The following ZNF326 variants were observed in gnomAD, a reference collection of about 807,000 sequenced individuals.
The protein encoded by ZNF326 is zinc finger protein 326.
In ZNF326, 30 loss-of-function variants were observed where a neutral mutation model predicts 63.1. The ratio of observed to expected loss-of-function variants is 0.48; its 90% CI spans 0.36 to 0.64. ZNF326 has a LOEUF of 0.64. ZNF326 is among the 30% of genes least tolerant of loss of function. The pLI is 0.00. For missense variants in ZNF326, 609 were observed against 720.3 expected, an observed-to-expected ratio of 0.85 and a Z score of 1.77; for synonymous variants, 194 against 228.2, an observed-to-expected ratio of 0.85 and a Z score of 1.35.
At position 90,028,494 on chromosome 1, in the gene ZNF326, C is replaced by T. The variant is rs952655267; in HGVS notation, c.*793C>T. The T allele has an allele frequency of 6.6e-6, 1 of 152,172 alleles. No homozygotes were observed. Among genetic ancestry groups the T allele is most frequent in the Non-Finnish European group, 1.5e-5 (1 of 68,028 alleles). The allele number at this position is 152,172 out of a possible 1,614,324, so 9.4% of individuals were successfully genotyped here. A position where few individuals can be genotyped will look rare whatever the true frequency, so the allele number is the denominator to read the frequency against. ...TTGTTCCTTTTCCCTGTGCCTGTGTCAAATCTTCAAGTCTTGCTGAAAATA... is the reference window on the plus strand; with the variant it reads ...TTGTTCCTTTTCCCTGTGCCTGTGTTAAATCTTCAAGTCTTGCTGAAAATA... On this transcript the variant is annotated 3_prime_UTR_variant, in exon 12 of 12. Coordinates refer to ENST00000340281, the MANE Select transcript of ZNF326 (RefSeq NM_182976.4).
intron 6 of ZNF326, among the ~76,000 whole-genome samples, chr1:90,010,661 A>G (rs1649193591): frequency 1.3e-5 from 2 of 152,090 alleles, no homozygotes; most frequent in African/African-American, 2.4e-5. Flanking sequence ...AAACCTCCAT[A>G]TGATTGTAAC....
intron 7 of ZNF326, among the ~76,000 whole-genome samples, chr1:90,013,880 G>A (rs918985398): frequency 1.2e-4 from 18 of 151,948 alleles, no homozygotes; most frequent in Admixed American, 3.9e-4. Context: ...TGGCTAACAC[G>A]GTGAAACCCC....
Position 90,029,509 on chromosome 1 carries a change from T to G in ZNF326, c.*1808T>G, listed in dbSNP as rs565868688. 1.2e-4 allele frequency: 19 copies of G among 152,210 alleles called. No homozygotes were observed. Among genetic ancestry groups the G allele is most frequent in the Non-Finnish European group, 2.8e-4 (19 of 68,028 alleles). The allele number at this position is 152,210 out of a possible 1,614,324, so 9.4% of individuals were successfully genotyped here. A position where few individuals can be genotyped will look rare whatever the true frequency, so the allele number is the denominator to read the frequency against. ...AGGATAATAGGACTTGTTACCCTCT[T>G]ATTTCTCCTTTATTTTTAAAAATAT... On this transcript the variant is annotated 3_prime_UTR_variant, in exon 12 of 12. Transcript: ENST00000340281.
chr1:89,997,453 AG>A (rs1182336666), intron 1 of ZNF326, among the ~76,000 whole-genome samples: 12 of 151,950 alleles, frequency 7.9e-5, no homozygotes, highest in Admixed American at 7.9e-4. Flanking sequence ...GGCTCACTGC[AG>A]CCTCTGCCTC....
intron 1 of ZNF326, among the ~76,000 whole-genome samples, chr1:89,997,859 C>T (rs1219660129): frequency 1.3e-5 from 2 of 152,120 alleles, no homozygotes; most frequent in Non-Finnish European, 2.9e-5. Flanking sequence ...TATTATGTAT[C>T]AGGTGTTGTA....
At chr1:89,999,315 A>G (rs1031033764) in intron 2 of ZNF326, among the ~76,000 whole-genome samples, 14 of 149,080 alleles carry the variant, frequency 9.4e-5, no homozygotes, top group African/African-American at 3.2e-4. Flanking sequence ...ACTGGAATGT[A>G]TGACTAGTGC....
rs776868797 is a variant in ZNF326 at position 90,005,062 on chromosome 1, C to G, written c.97+24C>G. The G allele has an allele frequency of 5.6e-6, 9 of 1,613,952 alleles. No individual in the cohort carries two copies. In the Admixed American group the frequency reaches 1.3e-4, roughly 24 times the overall value. On this transcript the variant is annotated intron_variant, in intron 3 of 11. Transcript: ENST00000340281. ...AGGTCTGACATTCAAGGATATTTAT[C>G]TAAAAATTCTTCTTTTGAGTGCCAG...
intron 2 of ZNF326, among the ~76,000 whole-genome samples, chr1:89,999,746 T>A (rs1388518241): frequency 6.6e-6 from 1 of 152,244 alleles, no homozygotes; most frequent in African/African-American, 2.4e-5. Context: ...CTTCTAGGTC[T>A]AGATTATCTA....
At chr1:90,016,931 A>G (rs1236557183) in intron 7 of ZNF326, among the ~76,000 whole-genome samples, 1 of 152,168 alleles carries the variant, frequency 6.6e-6, no homozygotes, top group Non-Finnish European at 1.5e-5. Context: ...ACCTTGCTTT[A>G]TTGATACTAC....
chr1:90,009,799 T>C (rs1402409928), intron 5 of ZNF326, among the ~76,000 whole-genome samples: 1 of 152,094 alleles, frequency 6.6e-6, no homozygotes, highest in Non-Finnish European at 1.5e-5. Flanking sequence ...CAGGCACATA[T>C]GTTGTCTATA....
At position 90,020,805 on chromosome 1, in the gene ZNF326, T is replaced by G. The variant is rs2101087462; in HGVS notation, c.1188T>G (p.Asp396Glu). ...TGTCTTTTGTAGGTGTTACTGTAGATGATCACATGATGAAGGTAGAGACAG... is the reference window on the plus strand; with the variant it reads ...TGTCTTTTGTAGGTGTTACTGTAGAGGATCACATGATGAAGGTAGAGACAG... ...EKDVMEGVTV[D>E]DHMMKVETVH... The change falls in exon 10 of 12, where the codon GAT becomes GAG. Residue 396 changes from aspartate (D) to glutamate (E), a missense_variant. Transcript: ENST00000340281. The G allele has an allele frequency of 6.2e-7, 1 of 1,610,858 alleles. No homozygotes were observed. The highest frequency in any genetic ancestry group is 1.1e-5 in the South Asian group (1 of 90,446).
At chr1:89,995,774 G>A (rs1413693047) in intron 1 of ZNF326, among the ~76,000 whole-genome samples, 2 of 152,226 alleles carry the variant, frequency 1.3e-5, no homozygotes, top group African/African-American at 4.8e-5. Flanking sequence ...TTTAAGATGA[G>A]TTGAAAGGGT....
rs1167885762 is a variant in ZNF326 at position 90,032,425 on chromosome 1, AAG to A, written c.*4729_*4730del. 6.6e-6 allele frequency: 1 copy of A among 151,918 alleles called. No individual in the cohort carries two copies. The highest frequency in any genetic ancestry group is 1.5e-5 in the Non-Finnish European group (1 of 68,044). 9.4% of individuals were successfully genotyped at this position (151,918 alleles called of 1,614,324 possible). On this transcript the variant is annotated 3_prime_UTR_variant, in exon 12 of 12. Transcript: ENST00000340281. ...TTAGATCAGTATAAAGTATAGATTT[AAG>A]AGAGTTAGATTAAAATGGCATGCTT...
chr1:90,011,468 A>G (rs1415355449), intron 6 of ZNF326, among the ~76,000 whole-genome samples: 2 of 152,012 alleles, frequency 1.3e-5, no homozygotes, highest in Non-Finnish European at 2.9e-5. Flanking sequence ...AGGCCATCCA[A>G]AAGGATAAGC....
chr1:89,996,225 C>T (rs185898286), intron 1 of ZNF326, among the ~76,000 whole-genome samples: 2 of 152,274 alleles, frequency 1.3e-5, no homozygotes, highest in Non-Finnish European at 2.9e-5. Flanking sequence ...TGGGAAAGGA[C>T]TTATGTGATT....
rs749178022 is a variant in ZNF326 at position 90,018,718 on chromosome 1, A to G, written c.1108A>G (p.Ile370Val). Residue 370 changes from isoleucine to valine, a missense_variant, in exon 9 of 12, where the codon ATT (isoleucine) becomes GTT (valine). By Grantham distance (29) the Ile-to-Val change is conservative. Around this residue, in one of 3 missense-constraint regions of ZNF326, gnomAD observed 399 missense variants for 444.3 expected, o/e 0.90. Transcript: ENST00000340281. Reference sequence around the variant, plus strand: ...GGTGAATAAATTCAAGAAAACATCTATTCGTAAGCAACAGACAAATAATCA... The same window carrying G: ...GGTGAATAAATTCAAGAAAACATCTGTTCGTAAGCAACAGACAAATAATCA... The part of the protein sequence containing the change: ...CMVNKFKKTS[I>V]RKQQTNNQTE... The G allele has an allele frequency of 1.3e-6, 2 of 1,580,642 alleles. No homozygotes were observed. Among genetic ancestry groups the G allele is most frequent in the Non-Finnish European group, 1.7e-6 (2 of 1,163,024 alleles).
At chr1:90,025,612 G>T (rs1157759188) in intron 11 of ZNF326, among the ~76,000 whole-genome samples, 1 of 152,182 alleles carries the variant, frequency 6.6e-6, no homozygotes, top group Non-Finnish European at 1.5e-5. Context: ...TGTGGTTTTT[G>T]ACAGCTTCAT....
chr1:90,006,350 T>C, intron 4 of ZNF326: 5 of 980,522 alleles, frequency 5.1e-6, no homozygotes, highest in Non-Finnish European at 6.1e-6. Flanking sequence ...CCTTTTATAT[T>C]GTGAATGTAA....
intron 4 of ZNF326, chr1:90,006,495 T>C: frequency 1.0e-6 from 1 of 984,144 alleles, no homozygotes; most frequent in Non-Finnish European, 1.2e-6. Flanking sequence ...AGATGATTTA[T>C]TTCTTCTGTT....
Sources: allele counts gnomAD v4.1 joint callset (sites outside exome capture counted in the v4.1 genomes callset), GRCh38; gene constraint gnomAD v4.1.1; regional missense constraint gnomAD v4.1.1; transcripts MANE v1.5; gene names NCBI Gene and HGNC (gene_info 2026-07-23, HGNC 2026-07-21).